The following PRKX variants were observed in gnomAD, a reference collection of about 807,000 sequenced individuals.
PRKX encodes the protein cAMP-dependent protein kinase catalytic subunit PRKX.
A neutral mutation model predicts 22.0 loss-of-function variants in PRKX; 12 were observed. The ratio of observed to expected loss-of-function variants is 0.54; its 90% CI spans 0.35 to 0.88. The LOEUF (loss-of-function observed/expected upper bound fraction) is 0.88. Among genes scored for constraint, PRKX ranks in the 40% least tolerant of loss-of-function variants. PRKX has a pLI of 0.01. For synonymous variants in PRKX, 134 were observed against 137.7 expected (o/e 0.97, Z 0.19); for missense variants, 217 against 308.0 (o/e 0.70, Z 2.21).
Position 3,705,506 on chromosome X carries a change from G to A in PRKX, c.166+7582C>T, listed in dbSNP as rs190915395. ...CACGGGGAGGCCACCTGGAGAAACA[G>A]GCAGAGGGAACCCGTCACACAGAAA... On this transcript the variant is annotated intron_variant, in intron 1 of 8. Transcript: ENST00000262848. Among the ~76,000 whole-genome samples, 4 of 111,068 alleles carry A rather than the reference G, an allele frequency of 3.6e-5. No homozygotes were observed. The East Asian group carries it at 8.6e-4, about 24-fold the overall frequency.
chrX:3,704,837 C>T (rs1928650695), intron 1 of PRKX, among the ~76,000 whole-genome samples: 1 of 111,898 alleles, frequency 8.9e-6, no homozygotes, highest in Non-Finnish European at 1.9e-5. Flanking sequence ...CAGTCATCTG[C>T]TGACGGGCAA....
chrX:3,697,171 C>T (rs200237765), intron 1 of PRKX, among the ~76,000 whole-genome samples: 57 of 111,780 alleles, frequency 5.1e-4, no homozygotes, highest in African/African-American at 1.7e-3. Flanking sequence ...TTGGATAATA[C>T]GGCAAACCAT....
intron 1 of PRKX, among the ~76,000 whole-genome samples, chrX:3,684,686 C>A (rs1372562745): frequency 9.0e-6 from 1 of 111,433 alleles, no homozygotes; most frequent in Non-Finnish European, 1.9e-5. Context: ...AGTCGGAGAC[C>A]CAGGTGTGGG....
intron 1 of PRKX, among the ~76,000 whole-genome samples, chrX:3,687,872 T>C (rs1358542416): frequency 5.4e-5 from 6 of 111,785 alleles, no homozygotes; most frequent in Admixed American, 9.5e-5. Flanking sequence ...AGCATCGTGT[T>C]CCTCATGGAC....
intron 4 of PRKX, among the ~76,000 whole-genome samples, chrX:3,637,015 G>A (rs12843036): frequency 2.2e-5 from 2 of 92,344 alleles, no homozygotes; most frequent in African/African-American, 7.3e-5. Flanking sequence ...AAGAGGGAGA[G>A]GGGAAAGGAA....
At chrX:3,701,604 T>A (rs1463676335) in intron 1 of PRKX, among the ~76,000 whole-genome samples, 1 of 112,414 alleles carries the variant, frequency 8.9e-6, no homozygotes, top group Admixed American at 9.5e-5. Flanking sequence ...CCAGAGCAAC[T>A]CCATCTTGAA....
intron 1 of PRKX, among the ~76,000 whole-genome samples, chrX:3,698,692 G>A (rs969140076): frequency 2.7e-5 from 3 of 110,106 alleles, no homozygotes; most frequent in Admixed American, 2.0e-4. Flanking sequence ...GGGTTGAAGC[G>A]ATTTTCGTGT....
At chrX:3,710,565 G>A (rs888587142) in intron 1 of PRKX, among the ~76,000 whole-genome samples, 3 of 111,458 alleles carry the variant, frequency 2.7e-5, no homozygotes, top group African/African-American at 6.5e-5. Flanking sequence ...GTAGAGACAG[G>A]GTTTCACCAT....
At chrX:3,669,794 T>C (rs759447736) in intron 2 of PRKX, among the ~76,000 whole-genome samples, 1 of 111,999 alleles carries the variant, frequency 8.9e-6, no homozygotes, top group African/African-American at 3.2e-5. Flanking sequence ...CATTTACACC[T>C]ATCTTAATAT....
chrX:3,634,955 C>T (rs1926857964), intron 4 of PRKX, among the ~76,000 whole-genome samples: 1 of 112,603 alleles, frequency 8.9e-6, no homozygotes, highest in African/African-American at 3.2e-5. Context: ...CCTCCCACCT[C>T]AGCCTCCTGA....
At chrX:3,711,333 C>T (rs1928784343) in intron 1 of PRKX, among the ~76,000 whole-genome samples, 1 of 111,160 alleles carries the variant, frequency 9.0e-6, no homozygotes, top group Non-Finnish European at 1.9e-5. Context: ...GCTGACTCCC[C>T]GCCCAGCCAG....
intron 1 of PRKX, among the ~76,000 whole-genome samples, chrX:3,689,605 A>G (rs1391519817): frequency 8.9e-6 from 1 of 112,026 alleles, no homozygotes; most frequent in African/African-American, 3.2e-5. Flanking sequence ...ACTTGAGCCC[A>G]GGAGTTCAAG....
intron 6 of PRKX, among the ~76,000 whole-genome samples, chrX:3,621,052 T>C (rs1182215055): frequency 2.7e-5 from 3 of 111,676 alleles, no homozygotes; most frequent in East Asian, 2.8e-4. Context: ...TTTGACGTTG[T>C]GGGCCCAGAA....
chrX:3,654,756 A>G (rs189416568), intron 3 of PRKX, among the ~76,000 whole-genome samples: 8 of 110,537 alleles, frequency 7.2e-5, no homozygotes. Flanking sequence ...TGCTGGGATT[A>G]CAGGTGTGAG....
chrX:3,617,099 TATACAC>T (rs965464384), intron 6 of PRKX, among the ~76,000 whole-genome samples: 6 of 108,797 alleles, frequency 5.5e-5, no homozygotes, highest in African/African-American at 1.7e-4. Context: ...TATACATACT[TATACAC>T]ATATACACGT....
chrX:3,712,870 G>C (rs1437384033), intron 1 of PRKX, among the ~76,000 whole-genome samples: 1 of 112,664 alleles, frequency 8.9e-6, no homozygotes, highest in East Asian at 2.8e-4. Flanking sequence ...TTAGGCACCC[G>C]GCCGGTCGGG....
At chrX:3,692,497 A>G (rs999647313) in intron 1 of PRKX, among the ~76,000 whole-genome samples, 10 of 110,215 alleles carry the variant, frequency 9.1e-5, no homozygotes, top group Non-Finnish European at 1.7e-4. Context: ...TGAGGATTTG[A>G]ATTGAGGCTA....
intron 5 of PRKX, among the ~76,000 whole-genome samples, chrX:3,622,707 G>T (rs2146561106): frequency 8.9e-6 from 1 of 111,791 alleles, no homozygotes; most frequent in South Asian, 3.8e-4. Context: ...CTAAGGCTAG[G>T]ATTTTGTATC....
chrX:3,711,996 C>A (rs1034968238), intron 1 of PRKX, among the ~76,000 whole-genome samples: 1 of 111,907 alleles, frequency 8.9e-6, no homozygotes, highest in African/African-American at 3.2e-5. Context: ...TCCTCAAGGT[C>A]TAAGTGGCAA....
Sources: gnomAD v4.1 joint callset for allele counts (sites outside exome capture counted in the v4.1 genomes callset) on GRCh38, gnomAD v4.1.1 for gene constraint, MANE v1.5 for transcripts, NCBI Gene and HGNC (gene_info 2026-07-23, HGNC 2026-07-21) for gene names.